MDH2: variants seen among roughly 807,000 people sequenced by gnomAD.
MDH2 encodes the protein malate dehydrogenase, mitochondrial.
A neutral mutation model predicts 33.6 loss-of-function variants in MDH2; 25 were observed. The ratio of observed to expected loss-of-function variants is 0.74; its 90% CI spans 0.54 to 1.04. The LOEUF (loss-of-function observed/expected upper bound fraction) is 1.04. Ranked by LOEUF, MDH2 falls within the 50% of genes least tolerant of loss-of-function variation. The pLI is 0.00. For missense variants in MDH2, 432 were observed against 445.0 expected, an observed-to-expected ratio of 0.97 and a Z score of 0.26; for synonymous variants, 193 against 188.7, an observed-to-expected ratio of 1.02 and a Z score of -0.19.
chr7:76,064,869 T>C lies in MDH2; in HGVS notation c.801T>C (p.Asn267=). 1 of 1,614,062 alleles carries C rather than the reference T, an allele frequency of 6.2e-7. No individual in the cohort carries two copies. Among genetic ancestry groups the C allele is most frequent in the Non-Finnish European group, 8.5e-7 (1 of 1,180,020 alleles). ...TCTTCTCCCTTGTGGATGCAATGAA[T>C]GGAAAGGAAGGTGTTGTGGAATGTT... The part of the protein sequence containing the change: ...RFVFSLVDAM[N]GKEGVVECSF... The change falls in exon 8 of 9, where the codon AAT becomes AAC. Residue 267 remains asparagine (N), a synonymous_variant. Transcript: ENST00000315758.
chr7:76,065,600 TC>T (rs1422765874), intron 8 of MDH2, among the ~76,000 whole-genome samples: 1 of 152,064 alleles, frequency 6.6e-6, no homozygotes. Context: ...TATAGTTCTG[TC>T]CCCATGTCGG....
At chr7:76,062,091 G>A (rs1004760368) in intron 5 of MDH2, among the ~76,000 whole-genome samples, 1 of 152,186 alleles carries the variant, frequency 6.6e-6, no homozygotes. Flanking sequence ...GAAGTGGACT[G>A]TCATTACCCC....
intron 5 of MDH2, among the ~76,000 whole-genome samples, chr7:76,061,316 C>T (rs1797942527): frequency 6.6e-6 from 1 of 152,186 alleles, no homozygotes; most frequent in Non-Finnish European, 1.5e-5. Flanking sequence ...GTGACAGGCA[C>T]ATCTGCTTCT....
At chr7:76,057,945 C>G in intron 3 of MDH2, 24 bp from the exon 4 acceptor site, 1 of 1,606,768 alleles carries the variant, frequency 6.2e-7, no homozygotes. Context: ...TCTCTGTTAA[C>G]ATCTCATATT....
At chr7:76,058,117 G>A in intron 4 of MDH2, 39 bp downstream of exon 4, 2 of 1,565,178 alleles carry the variant, frequency 1.3e-6, no homozygotes, top group Non-Finnish European at 1.7e-6. Flanking sequence ...GCTATGGCAG[G>A]TGTTTAGGTG....
At chr7:76,063,367 C>A in intron 5 of MDH2, 148 bp from the exon 6 acceptor site, 1 of 722,682 alleles carries the variant, frequency 1.4e-6, no homozygotes. Flanking sequence ...CCAAGCGCAG[C>A]AGGGGCTGGA....
chr7:76,048,478 C>A, intron 1 of MDH2: 1 of 1,247,074 alleles, frequency 8.0e-7, no homozygotes, highest in Non-Finnish European at 1.0e-6. Context: ...CCCCAGGTCT[C>A]CCAGATTTCC....
intron 8 of MDH2, 31 bp from the exon 9 acceptor site, chr7:76,066,248 C>T: frequency 1.3e-6 from 2 of 1,596,400 alleles, no homozygotes; most frequent in Non-Finnish European, 8.5e-7. Flanking sequence ...TTCCTGGAAA[C>T]TTCATTTTAA....
chr7:76,065,260 C>G lies in MDH2; in HGVS notation c.885+307C>G, dbSNP rs1332937814. 17 of 270,178 alleles carry G rather than the reference C, an allele frequency of 6.3e-5. No homozygotes were observed. The East Asian group carries it at 1.0e-3, about 17-fold the overall frequency. 16.7% of individuals were successfully genotyped at this position (270,178 alleles called of 1,614,324 possible). A position where few individuals can be genotyped will look rare whatever the true frequency, so the allele number is the denominator to read the frequency against. On this transcript the variant is annotated intron_variant, in intron 8 of 8. Coordinates refer to ENST00000315758, the MANE Select transcript of MDH2 (RefSeq NM_005918.4). ...GCAGCCCAGGGAGGCCTCCCTACCC[C>G]GCCTGAACACCTCCCTGTCGCTCCT... is the stretch of plus-strand genomic sequence containing the variant.
At chr7:76,057,376 C>T (rs782351540) in intron 2 of MDH2, 34 bp from the exon 3 acceptor site, 58 of 1,609,850 alleles carry the variant, frequency 3.6e-5, no homozygotes, top group East Asian at 6.7e-5. Context: ...GAATCAGAAA[C>T]GGTGACATTT....
rs552544806 is a variant in MDH2, at chr7:76,064,958, G to A, written c.885+5G>A. On this transcript the variant is annotated splice_donor_5th_base_variant and intron_variant, in intron 8 of 8. Transcript: ENST00000315758. The stretch of plus-strand genomic sequence containing the variant: ...TCCACACCGCTGCTGCTTGGGGTAC[G>A]TATCCAGGCGTGGGTCCTTCTGACT... 18 of 1,613,944 alleles carry A rather than the reference G, an allele frequency of 1.1e-5. No homozygotes were observed. Among genetic ancestry groups the A allele is most frequent in the South Asian group, 9.9e-5 (9 of 91,082 alleles).
chr7:76,065,188 GC>G, intron 8 of MDH2: 2 of 474,688 alleles, frequency 4.2e-6, no homozygotes, highest in Non-Finnish European at 7.5e-6. Context: ...GACAGCGGGT[GC>G]CCAGCAGCTG....
chr7:76,051,318 A>ATTTTT (rs11342333), intron 1 of MDH2, among the ~76,000 whole-genome samples: 1 of 129,820 alleles, frequency 7.7e-6, no homozygotes, highest in Non-Finnish European at 1.6e-5. Flanking sequence ...CAGACTTTGG[A>ATTTTT]TTTTTTTTTT....
In MDH2 at chr7:76,058,017, C is replaced by A; in HGVS notation, c.368C>A (p.Thr123Asn). Residue 123 changes from threonine to asparagine, a missense_variant, in exon 4 of 9, where the codon ACC (threonine) becomes AAC (asparagine). By Grantham distance (65) the Thr-to-Asn change is moderately conservative (BLOSUM62 0). Transcript: ENST00000315758. ...AACACCAATGCCACGATTGTGGCCACCCTGACCGCTGCCTGTGCCCAGCAC... is the reference window on the plus strand; with the variant it reads ...AACACCAATGCCACGATTGTGGCCAACCTGACCGCTGCCTGTGCCCAGCAC... Reference protein sequence around the residue: ...LFNTNATIVATLTAACAQHCP... With the variant: ...LFNTNATIVANLTAACAQHCP... 6.2e-7 allele frequency: 1 copy of A among 1,614,058 alleles called. No homozygotes were observed. Among genetic ancestry groups the A allele is most frequent in the Non-Finnish European group, 8.5e-7 (1 of 1,180,038 alleles).
Position 76,066,661 on chromosome 7 carries a change from C to T in MDH2, c.*251C>T, listed in dbSNP as rs1165106456. 8.6e-6 allele frequency: 3 copies of T among 350,534 alleles called. No individual in the cohort carries two copies. The highest frequency in any genetic ancestry group is 1.6e-5 in the Non-Finnish European group (3 of 192,714). 21.7% of individuals were successfully genotyped at this position (350,534 alleles called of 1,614,324 possible). A position where few individuals can be genotyped will look rare whatever the true frequency, so the allele number is the denominator to read the frequency against. On this transcript the variant is annotated 3_prime_UTR_variant, in exon 9 of 9. Coordinates refer to ENST00000315758, the MANE Select transcript of MDH2 (RefSeq NM_005918.4). ...GAGCCAACTTTAGAGTGTCTGCTACCTCTTCATTACCAATCAGAATTAGAT... is the reference window on the plus strand; with the variant it reads ...GAGCCAACTTTAGAGTGTCTGCTACTTCTTCATTACCAATCAGAATTAGAT...
In MDH2 at chr7:76,048,144, C is replaced by T. The variant is rs574821351; in HGVS notation, c.-17C>T. 3.9e-6 allele frequency: 6 copies of T among 1,536,572 alleles called. No individual in the cohort carries two copies. Among genetic ancestry groups the T allele is most frequent in the African/African-American group, 1.4e-5 (1 of 73,162 alleles). On this transcript the variant is annotated 5_prime_UTR_variant, in exon 1 of 9. Coordinates refer to ENST00000315758, the MANE Select transcript of MDH2 (RefSeq NM_005918.4). ...CAGCTCCTGTGCCTGCCAGTCGGTGCCCCTCCCGCTCCAGCCATGCTCTCC... is the reference window on the plus strand; with the variant it reads ...CAGCTCCTGTGCCTGCCAGTCGGTGTCCCTCCCGCTCCAGCCATGCTCTCC...
At position 76,054,992 on chromosome 7, in the gene MDH2, G is replaced by A. The variant is rs1554586040; in HGVS notation, c.229G>A (p.Val77Met). 1 of 1,613,386 alleles carries A rather than the reference G, an allele frequency of 6.2e-7. No individual in the cohort carries two copies. The highest frequency in any genetic ancestry group is 1.7e-5 in the Admixed American group (1 of 59,888). Residue 77 changes from valine to methionine, a missense_variant, in exon 2 of 9, where the codon GTG becomes ATG. By Grantham distance (21) the Val-to-Met change is conservative (BLOSUM62 1). Transcript: ENST00000315758. ...GAGCCACATCGAGACCAAAGCCGCTGTGAAAGGTACTGGGCGCGCTGACCC... is the reference window on the plus strand; with the variant it reads ...GAGCCACATCGAGACCAAAGCCGCTATGAAAGGTACTGGGCGCGCTGACCC... ...DLSHIETKAA[V>M]KGYLGPEQLP...
At chr7:76,053,626 G>C (rs1554585763) in intron 1 of MDH2, among the ~76,000 whole-genome samples, 1 of 152,126 alleles carries the variant, frequency 6.6e-6, no homozygotes, top group Non-Finnish European at 1.5e-5. Flanking sequence ...CCTGTTATTA[G>C]CTGGCCTCAG....
chr7:76,054,279 C>T (rs536833607), intron 1 of MDH2, among the ~76,000 whole-genome samples: 14 of 152,296 alleles, frequency 9.2e-5, no homozygotes, highest in African/African-American at 3.4e-4. Flanking sequence ...GCCTGAGGCT[C>T]CAGCCACAAG....
Sources: allele counts gnomAD v4.1 joint callset (sites outside exome capture counted in the v4.1 genomes callset), GRCh38; gene constraint gnomAD v4.1.1; transcripts MANE v1.5; gene names NCBI Gene and HGNC (gene_info 2026-07-23, HGNC 2026-07-21).